Variants in PSME4 observed in about 807,000 individuals in gnomAD.
PSME4 encodes the protein proteasome activator complex subunit 4.
PSME4 carries 89 observed loss-of-function variants against 253.9 expected under a neutral mutation model. That is an observed-to-expected ratio of 0.35 (90% CI 0.30 to 0.42). PSME4 has a LOEUF of 0.42. Among genes scored for constraint, PSME4 ranks in the 10% least tolerant of loss-of-function variants. The pLI is 1.00. For synonymous variants in PSME4, 851 were observed against 759.2 expected, an observed-to-expected ratio of 1.12 and a Z score of -1.99; for missense variants, 2,014 against 2,195.2, an observed-to-expected ratio of 0.92 and a Z score of 1.65.
intron 1 of PSME4, among the ~76,000 whole-genome samples, chr2:53,961,975 G>C (rs138511131): frequency 1.5e-3 from 235 of 152,294 alleles, no homozygotes; most frequent in African/African-American, 5.4e-3. Flanking sequence ...GGCAAAGGCA[G>C]AGAACAAAGG....
chr2:53,914,838 GCCAC>G (rs1667987316), intron 20 of PSME4, among the ~76,000 whole-genome samples: 1 of 152,168 alleles, frequency 6.6e-6, no homozygotes, highest in Non-Finnish European at 1.5e-5. Flanking sequence ...CTGAGATTGT[GCCAC>G]CGCACTCCAG....
intron 14 of PSME4, among the ~76,000 whole-genome samples, 156 bp downstream of exon 14, chr2:53,925,383 A>G (rs904601515): frequency 3.9e-5 from 6 of 152,222 alleles, no homozygotes; most frequent in African/African-American, 1.2e-4. Context: ...CAAATACGAA[A>G]TTTGCAAATA....
intron 41 of PSME4, among the ~76,000 whole-genome samples, chr2:53,880,032 T>C (rs748221273): frequency 5.9e-5 from 9 of 152,182 alleles, no homozygotes; most frequent in Non-Finnish European, 8.8e-5. Context: ...AGGAAGAATA[T>C]GGTGGAAGTA....
intron 20 of PSME4, among the ~76,000 whole-genome samples, chr2:53,910,797 T>C (rs1320476217): frequency 1.3e-5 from 2 of 152,214 alleles, no homozygotes; most frequent in African/African-American, 2.4e-5. Flanking sequence ...AGAATTGACA[T>C]ATCTGAAATC....
intron 15 of PSME4, 23 bp downstream of exon 15, chr2:53,923,298 T>C (rs1042173535): frequency 1.3e-6 from 2 of 1,585,280 alleles, no homozygotes; most frequent in Non-Finnish European, 8.5e-7. Flanking sequence ...CATTAATACA[T>C]CAGTTCAAAA....
intron 42 of PSME4, among the ~76,000 whole-genome samples, chr2:53,874,781 C>T (rs1679047137): frequency 6.6e-6 from 1 of 152,110 alleles, no homozygotes; most frequent in South Asian, 2.1e-4. Flanking sequence ...CCTGTCTCCA[C>T]TACAAATACT....
At chr2:53,947,924 G>A (rs1378892599) in intron 3 of PSME4, among the ~76,000 whole-genome samples, 2 of 151,514 alleles carry the variant, frequency 1.3e-5, no homozygotes, top group Admixed American at 6.6e-5. Context: ...GCTGAGGAAC[G>A]CGAATCACTT....
rs1668369241 is a variant in PSME4 at position 53,922,443 on chromosome 2, T to C, written c.2046+74A>G. 7 of 1,489,090 alleles carry C rather than the reference T, an allele frequency of 4.7e-6. 1 individual carries two copies. The East Asian group carries it at 1.6e-4, about 34-fold the overall frequency. The allele number at this position is 1,489,090 out of a possible 1,614,324, so 92.2% of individuals were successfully genotyped here. On this transcript the variant is annotated intron_variant, in intron 17 of 46. Transcript: ENST00000404125. ...TTTCATATGTTTTAAAGTCATTTTGTCAGAAAGAGCTAAATCCTAAAAGCA... is the reference window on the plus strand; with the variant it reads ...TTTCATATGTTTTAAAGTCATTTTGCCAGAAAGAGCTAAATCCTAAAAGCA...
Position 53,899,990 on chromosome 2 carries a change from C to A in PSME4, c.3313G>T (p.Glu1105Ter). ...TIPKSCVEIAELLQQSKNPSI... is the reference protein window; with the variant it reads ...TIPKSCVEIA ...GGGTTTTTTGACTGTTGAAGTAATT[C>A]CGCTATTTCAACACATGACTTTGGA... is the stretch of plus-strand genomic sequence containing the variant. The change falls in exon 29 of 47, where the codon GAA becomes TAA. Residue 1105 changes from glutamate (E) to a stop codon, truncating the protein, a stop_gained. Coordinates refer to ENST00000404125, the MANE Select transcript of PSME4 (RefSeq NM_014614.3). LOFTEE classifies it high-confidence loss of function. 6.2e-7 allele frequency: 1 copy of A among 1,612,938 alleles called. No homozygotes were observed. The highest frequency in any genetic ancestry group is 8.5e-7 in the Non-Finnish European group (1 of 1,179,532).
At position 53,936,769 on chromosome 2, in the gene PSME4, C is replaced by G. The variant is rs1169071435; in HGVS notation, c.754G>C (p.Glu252Gln). The change falls in exon 6 of 47, where the codon GAG (glutamate) becomes CAG (glutamine). Residue 252 changes from glutamate to glutamine, a missense_variant. This residue lies in a region of PSME4 where 615 missense variants were observed against 594.4 expected (regional missense o/e 1.03). Transcript: ENST00000404125. ...AGGGAAAAAGGGATACTTACCCCCT[C>G]CCATTGTGGGAGATTTTGCACTGAA... ...WVSVQNLPQW[E>Q]GQLVNLFARL... The G allele has an allele frequency of 1.9e-6, 3 of 1,586,044 alleles. No individual in the cohort carries two copies. The highest frequency in any genetic ancestry group is 2.6e-6 in the Non-Finnish European group (3 of 1,166,384).
At position 53,865,145 on chromosome 2, in the gene PSME4, A is replaced by G. The variant is rs1353812662; in HGVS notation, c.*433T>C. On this transcript the variant is annotated 3_prime_UTR_variant, in exon 47 of 47. Transcript: ENST00000404125. ...TTCAGATTTATGGCCCACAGCCCCT[A>G]TTACCACCTAAATCCAGCAGCCATT... 3 of 152,672 alleles carry G rather than the reference A, an allele frequency of 2.0e-5. No homozygotes were observed. Among genetic ancestry groups the G allele is most frequent in the Non-Finnish European group, 4.4e-5 (3 of 68,074 alleles). The allele number at this position is 152,672 out of a possible 1,614,324, so 9.5% of individuals were successfully genotyped here.
At chr2:53,951,704 T>C (rs1181847527) in intron 1 of PSME4, among the ~76,000 whole-genome samples, 7 of 152,206 alleles carry the variant, frequency 4.6e-5, no homozygotes, top group Non-Finnish European at 1.0e-4. Flanking sequence ...GAAATGCTCA[T>C]GGAGTTTTCC....
chr2:53,887,109 A>C (rs1237212836), intron 40 of PSME4, 150 bp downstream of exon 40: 7 of 656,880 alleles, frequency 1.1e-5, no homozygotes, highest in Non-Finnish European at 1.8e-5. Context: ...AATGTACTTA[A>C]TGCCACTGAA....
At chr2:53,940,815 C>T (rs1425529353) in intron 3 of PSME4, among the ~76,000 whole-genome samples, 2 of 139,364 alleles carry the variant, frequency 1.4e-5, no homozygotes, top group Non-Finnish European at 3.1e-5. Flanking sequence ...ATGATATGTA[C>T]AAGTAAAAAT....
chr2:53,895,526 T>C (rs1366963678), intron 33 of PSME4, 57 bp downstream of exon 33: 54 of 1,514,902 alleles, frequency 3.6e-5, no homozygotes, highest in Middle Eastern at 1.8e-4. Flanking sequence ...AACCAAAATA[T>C]GATAAAGCAG....
chr2:53,922,291 T>C (rs746853760), intron 17 of PSME4, among the ~76,000 whole-genome samples: 4 of 152,222 alleles, frequency 2.6e-5, no homozygotes, highest in Non-Finnish European at 5.9e-5. Flanking sequence ...TTACCCATAT[T>C]AGAATTAACT....
intron 3 of PSME4, among the ~76,000 whole-genome samples, chr2:53,945,995 A>G (rs1393126708): frequency 6.6e-6 from 1 of 152,250 alleles, no homozygotes; most frequent in Non-Finnish European, 1.5e-5. Context: ...CAAAAGATCA[A>G]GAACAGCCAT....
intron 3 of PSME4, among the ~76,000 whole-genome samples, chr2:53,947,294 T>C (rs1375467791): frequency 6.6e-6 from 1 of 152,078 alleles, no homozygotes; most frequent in African/African-American, 2.4e-5. Context: ...CAAGACATAA[T>C]GAAATAATGT....
At chr2:53,879,600 T>C (rs1679285950) in intron 41 of PSME4, among the ~76,000 whole-genome samples, 1 of 152,042 alleles carries the variant, frequency 6.6e-6, no homozygotes, top group Admixed American at 6.6e-5. Flanking sequence ...TTAAATAAAA[T>C]CTTAGTAATC....
Sources: gnomAD v4.1 joint callset for allele counts (sites outside exome capture counted in the v4.1 genomes callset) on GRCh38, gnomAD v4.1.1 for gene constraint, gnomAD v4.1.1 regional missense constraint, MANE v1.5 for transcripts, NCBI Gene and HGNC (gene_info 2026-07-23, HGNC 2026-07-21) for gene names.